Variants in SNX13 observed in about 807,000 individuals in gnomAD.
SNX13 encodes the protein sorting nexin-13.
SNX13 carries 45 observed loss-of-function variants against 133.6 expected under a neutral mutation model. The observed-to-expected ratio is 0.34, with a 90% CI of 0.27 to 0.43. The LOEUF (loss-of-function observed/expected upper bound fraction) is 0.43, where lower values mean the gene tolerates loss of function less well. Among genes scored for constraint, SNX13 ranks in the 20% least tolerant of loss-of-function variants. The pLI is 1.00. For missense variants in SNX13, 1,032 were observed against 1,145.1 expected (o/e 0.90, Z 1.43); for synonymous variants, 414 against 373.9 (o/e 1.11, Z -1.24).
At chr7:17,927,343 A>T (rs1459513817) in intron 1 of SNX13, among the ~76,000 whole-genome samples, 2 of 151,952 alleles carry the variant, frequency 1.3e-5, no homozygotes, top group Admixed American at 1.3e-4. Flanking sequence ...CCTGGACTCC[A>T]GCAATCCTCC....
intron 20 of SNX13, among the ~76,000 whole-genome samples, chr7:17,813,383 A>AAG (rs1786280926): frequency 3.3e-5 from 5 of 152,182 alleles, no homozygotes; most frequent in Non-Finnish European, 5.9e-5. Context: ...TGAAATACGC[A>AAG]GAAAAGCAAC....
Position 17,839,815 on chromosome 7 carries a change from A to G in SNX13, c.1351T>C (p.Ser451Pro). The change falls in exon 13 of 26, where the codon TCA (serine) becomes CCA (proline). Residue 451 changes from serine (S) to proline (P), a missense_variant. By Grantham distance (74) the Ser-to-Pro change is moderately conservative. Transcript: ENST00000428135. ...TCAAAATACAGCCTCACCTTTTCTG[A>G]TAAATACTGTTCATAAATTCCAACA... ...AAVGIYEQYL[S>P]EKASPRVTVD... is the part of the protein sequence containing the mutation. The G allele has an allele frequency of 1.2e-6, 2 of 1,607,152 alleles. No homozygotes were observed. Among genetic ancestry groups the G allele is most frequent in the Non-Finnish European group, 1.7e-6 (2 of 1,176,550 alleles).
chr7:17,800,016 A>G (rs1288720822), intron 22 of SNX13, among the ~76,000 whole-genome samples: 1 of 151,758 alleles, frequency 6.6e-6, no homozygotes, highest in Non-Finnish European at 1.5e-5. Flanking sequence ...TGCACCTTCC[A>G]TTTCAAAAAC....
chr7:17,940,170 G>C, intron 1 of SNX13, 114 bp downstream of exon 1: 1 of 1,416,508 alleles, frequency 7.1e-7, no homozygotes, highest in Non-Finnish European at 9.8e-7. Context: ...CTCGGGCCCT[G>C]GAGCCCACGG....
chr7:17,890,310 G>C lies in SNX13; in HGVS notation c.440+53C>G, dbSNP rs537181402. Reference sequence around the variant, plus strand: ...CCCTTAAAAGTTGTTTTCCTTACTGGTACAAACCATACATCTAAATTTTTC... The same window carrying C: ...CCCTTAAAAGTTGTTTTCCTTACTGCTACAAACCATACATCTAAATTTTTC... On this transcript the variant is annotated intron_variant, in intron 5 of 25. Coordinates refer to ENST00000428135, the MANE Select transcript of SNX13 (RefSeq NM_015132.5). 4.5e-6 allele frequency: 7 copies of C among 1,571,412 alleles called. No homozygotes were observed. In the Admixed American group the frequency reaches 7.3e-5, roughly 16 times the overall value.
At chr7:17,816,752 T>C (rs1295630877) in intron 18 of SNX13, among the ~76,000 whole-genome samples, 1 of 152,122 alleles carries the variant, frequency 6.6e-6, no homozygotes, top group African/African-American at 2.4e-5. Flanking sequence ...ATAAAAAACA[T>C]TGTCCAAATA....
At chr7:17,830,211 C>T (rs1788333620) in intron 15 of SNX13, 164 bp from the exon 16 acceptor site, 1 of 969,200 alleles carries the variant, frequency 1.0e-6, no homozygotes, top group African/African-American at 1.8e-5. Context: ...AAACTTGATC[C>T]CTTAAAGTCC....
chr7:17,867,369 G>A (rs1018668819), intron 9 of SNX13, among the ~76,000 whole-genome samples: 1 of 152,218 alleles, frequency 6.6e-6, no homozygotes, highest in Non-Finnish European at 1.5e-5. Flanking sequence ...CACTTCGGGA[G>A]GCTGAGGCAG....
Position 17,860,618 on chromosome 7 carries a change from T to C in SNX13, c.837+7789A>G, listed in dbSNP as rs145216712. ...TTGTCATTTCAGATCTTTAATCCATTTTGAGTTAATTTTTACATGCAGGGC... is the reference window on the plus strand; with the variant it reads ...TTGTCATTTCAGATCTTTAATCCATCTTGAGTTAATTTTTACATGCAGGGC... On this transcript the variant is annotated intron_variant, in intron 9 of 25. Transcript: ENST00000428135. Among the ~76,000 whole-genome samples, 336 of 152,314 alleles carry C rather than the reference T, an allele frequency of 2.2e-3. 1 individual carries two copies. The highest frequency in any genetic ancestry group is 6.8e-3 in the Middle Eastern group (2 of 294).
chr7:17,900,889 C>T (rs748510770), intron 1 of SNX13, among the ~76,000 whole-genome samples: 11 of 152,082 alleles, frequency 7.2e-5, no homozygotes, highest in Non-Finnish European at 1.3e-4. Flanking sequence ...AGTCCCCCCG[C>T]ATAGTTACCA....
intron 5 of SNX13, among the ~76,000 whole-genome samples, chr7:17,878,571 C>A (rs10231119): frequency 0.018 from 2,765 of 152,254 alleles, 90 homozygotes; most frequent in African/African-American, 0.062. Flanking sequence ...GTCTCTAATG[C>A]CACCATCGTA....
At chr7:17,810,642 C>T (rs935628761) in intron 20 of SNX13, among the ~76,000 whole-genome samples, 2 of 152,224 alleles carry the variant, frequency 1.3e-5, no homozygotes, top group African/African-American at 4.8e-5. Flanking sequence ...TCCTTCCTAA[C>T]TCATTTTATG....
chr7:17,794,473 A>G (rs1025704776), intron 25 of SNX13, 181 bp from the exon 26 acceptor site: 1 of 678,996 alleles, frequency 1.5e-6, no homozygotes, highest in African/African-American at 1.8e-5. Context: ...GCATGCATCT[A>G]TTTACGCACT....
At chr7:17,873,457 A>T in intron 8 of SNX13, 71 bp downstream of exon 8, 1 of 853,082 alleles carries the variant, frequency 1.2e-6, no homozygotes, top group Non-Finnish European at 1.5e-6. Context: ...ACAGGGTCTT[A>T]AGACAAAAAT....
intron 9 of SNX13, among the ~76,000 whole-genome samples, chr7:17,854,592 A>C (rs1474983919): frequency 6.6e-6 from 1 of 152,222 alleles, no homozygotes; most frequent in African/African-American, 2.4e-5. Context: ...AGAATATTTC[A>C]GACTTTTTCA....
chr7:17,940,162 C>A, intron 1 of SNX13, 122 bp downstream of exon 1: 1 of 1,316,556 alleles, frequency 7.6e-7, no homozygotes. Flanking sequence ...CGCTGCTCCT[C>A]GGGCCCTGGA....
rs1240295643 is a variant in SNX13 at position 17,940,178 on chromosome 7, C to T, written c.12+106G>A. The T allele has an allele frequency of 4.1e-6, 6 of 1,464,154 alleles. No individual in the cohort carries two copies. The African/African-American group carries it at 5.6e-5, about 14-fold the overall frequency. 90.7% of individuals were successfully genotyped at this position (1,464,154 alleles called of 1,614,324 possible). On this transcript the variant is annotated intron_variant, in intron 1 of 25. Coordinates refer to ENST00000428135, the MANE Select transcript of SNX13 (RefSeq NM_015132.5). ...GCTGCTCCTCGGGCCCTGGAGCCCA[C>T]GGCGAAGGGTCAGGCCCACCTTCCG...
intron 1 of SNX13, among the ~76,000 whole-genome samples, chr7:17,936,383 T>C (rs1802029055): frequency 6.6e-6 from 1 of 152,236 alleles, no homozygotes; most frequent in African/African-American, 2.4e-5. Context: ...GCAACAAATC[T>C]GGATGGAAGT....
At chr7:17,839,235 T>C (rs1789571268) in intron 13 of SNX13, among the ~76,000 whole-genome samples, 1 of 149,792 alleles carries the variant, frequency 6.7e-6, no homozygotes, top group South Asian at 2.1e-4. Flanking sequence ...TATAGAATTA[T>C]AGTATAGTAT....
Sources: gnomAD v4.1 joint callset for allele counts (sites outside exome capture counted in the v4.1 genomes callset) on GRCh38, gnomAD v4.1.1 for gene constraint, MANE v1.5 for transcripts, NCBI Gene and HGNC (gene_info 2026-07-23, HGNC 2026-07-21) for gene names.